USP11: variants seen among roughly 807,000 people sequenced by gnomAD.
The protein encoded by USP11 is ubiquitin specific peptidase 11.
In USP11, 5 loss-of-function variants were observed where a neutral mutation model predicts 72.8. The observed-to-expected ratio is 0.07, with a 90% CI of 0.04 to 0.14. The LOEUF is 0.14. Among genes scored for constraint, USP11 ranks in the 10% least tolerant of loss-of-function variants. The pLI is 1.00. For missense variants in USP11, 480 were observed against 794.7 expected (o/e 0.60, Z 4.76); for synonymous variants, 368 against 326.5 (o/e 1.13, Z -1.37).
Position 47,248,067 on chromosome X carries a change from C to T in USP11, c.*137C>T, listed in dbSNP as rs1486829596. On this transcript the variant is annotated 3_prime_UTR_variant, in exon 21 of 21. Transcript: ENST00000377107. ...CAGGCTTAGTCGTGGCTACTGTTCTCCTGTGCCGCTGCATCGCTCTCTCCC... is the reference window on the plus strand; with the variant it reads ...CAGGCTTAGTCGTGGCTACTGTTCTTCTGTGCCGCTGCATCGCTCTCTCCC... The T allele has an allele frequency of 5.5e-6, 5 of 910,505 alleles. No individual in the cohort carries two copies. Among genetic ancestry groups the T allele is most frequent in the African/African-American group, 2.0e-5 (1 of 49,065 alleles). 75.0% of individuals were successfully genotyped at this position (910,505 alleles called of 1,213,427 possible).
chrX:47,243,666 C>A, intron 13 of USP11, 64 bp downstream of exon 13: 1 of 1,062,825 alleles, frequency 9.4e-7, no homozygotes, highest in Non-Finnish European at 1.3e-6. Flanking sequence ...GGGTGTTTAG[C>A]TGCTTATTTG....
rs191808037 is a variant in USP11, at chrX:47,248,274, G to A, written c.*344G>A. 40 of 216,524 alleles carry A rather than the reference G, an allele frequency of 1.8e-4. No homozygotes were observed. Among genetic ancestry groups the A allele is most frequent in the East Asian group, 2.3e-4 (2 of 8,730 alleles). The allele number at this position is 216,524 out of a possible 1,213,427, so 17.8% of individuals were successfully genotyped here. On this transcript the variant is annotated 3_prime_UTR_variant, in exon 21 of 21. Coordinates refer to ENST00000377107, the MANE Select transcript of USP11 (RefSeq NM_001371072.1). ...AACACAGAGTGTATTTTCTTATTGA[G>A]GCCCTGTACCTTCTGCTGTGTGTGT...
chrX:47,240,640 G>C lies in USP11; in HGVS notation c.735G>C (p.Leu245=). 2.5e-6 allele frequency: 3 copies of C among 1,212,313 alleles called. No individual in the cohort carries two copies. The South Asian group carries it at 5.3e-5, about 21-fold the overall frequency. Residue 245 remains leucine, a synonymous_variant, in exon 6 of 21, where the codon CTG becomes CTC. Coordinates refer to ENST00000377107, the MANE Select transcript of USP11 (RefSeq NM_001371072.1). ...ATGGCACTTGGCCCAGCGCACAGCT[G>C]CATGTCATGTGAGCCCTTGGGGTAT... is the stretch of plus-strand genomic sequence containing the variant. The part of the protein sequence containing the change: ...KKDGTWPSAQ[L]HVMNNNMSEE...
intron 1 of USP11, among the ~76,000 whole-genome samples, chrX:47,238,282 G>A (rs1209430588): frequency 1.9e-5 from 2 of 106,407 alleles, no homozygotes; most frequent in Non-Finnish European, 3.9e-5. Flanking sequence ...CTGCCTCCAG[G>A]GTTCAAGTGA....
At chrX:47,237,775 GGTGTGTGTGTATGTGTGTGT>G (rs1339967231) in intron 1 of USP11, among the ~76,000 whole-genome samples, 1,269 of 99,176 alleles carry the variant, frequency 0.013, 9 homozygotes, top group Middle Eastern at 0.02. Context: ...CAGCAGAACA[GGTGTGTGTGTATGTGTGTGT>G]GTGTGTGTGT....
chrX:47,237,216 A>G lies in USP11; in HGVS notation c.177-1854A>G, dbSNP rs191109659. 7.8e-3 allele frequency among the ~76,000 whole-genome samples: 869 copies of G among 111,820 alleles called. 13 individuals are homozygous for G. The highest frequency in any genetic ancestry group is 0.027 in the African/African-American group (827 of 30,754). On this transcript the variant is annotated intron_variant, in intron 1 of 20. Transcript: ENST00000377107. Reference sequence around the variant, plus strand: ...AACAAATTAACTTCATAGACTGGCTATGGAGGCAAGTAAAGCCACAAAGGG... The same window carrying G: ...AACAAATTAACTTCATAGACTGGCTGTGGAGGCAAGTAAAGCCACAAAGGG...
chrX:47,245,657 G>C (rs759025582), intron 17 of USP11, among the ~76,000 whole-genome samples, 175 bp downstream of exon 17: 2 of 107,713 alleles, frequency 1.9e-5, no homozygotes, highest in Non-Finnish European at 3.8e-5. Context: ...CTGTTCTCCT[G>C]CCTAAGTCTC....
Position 47,233,039 on chromosome X carries a change from C to T in USP11, c.-5C>T, listed in dbSNP as rs201561406. The stretch of plus-strand genomic sequence containing the variant: ...TGCGTTGGCTGTAGAAGAGAACGGA[C>T]GGCGATGGCGACGGTCGCAGCAAAT... On this transcript the variant is annotated 5_prime_UTR_variant, in exon 1 of 21. In the 5' UTR this introduces an upstream ATG that the reference lacks. Transcript: ENST00000377107. 1 of 1,209,845 alleles carries T rather than the reference C, an allele frequency of 8.3e-7. No homozygotes were observed. Among genetic ancestry groups the T allele is most frequent in the African/African-American group, 1.7e-5 (1 of 57,320 alleles).
At chrX:47,241,512 C>T (rs754464407) in intron 8 of USP11, 29 bp from the exon 9 acceptor site, 2 of 1,189,266 alleles carry the variant, frequency 1.7e-6, no homozygotes, top group Non-Finnish European at 2.3e-6. Context: ...AACTCCCTCT[C>T]TCTCTGATGA....
intron 14 of USP11, 52 bp downstream of exon 14, chrX:47,244,602 C>T (rs749969147): frequency 1.0e-5 from 12 of 1,203,228 alleles, no homozygotes; most frequent in South Asian, 3.6e-5. Context: ...GTCTGACCCA[C>T]GTAGGGTTCG....
intron 1 of USP11, chrX:47,233,443 C>G: frequency 9.4e-7 from 1 of 1,063,890 alleles, no homozygotes. Context: ...CGCCTGAGAA[C>G]AAAATGGGGT....
Position 47,233,040 on chromosome X carries a change from G to A in USP11, c.-4G>A, listed in dbSNP as rs1256287962. The stretch of plus-strand genomic sequence containing the variant: ...GCGTTGGCTGTAGAAGAGAACGGAC[G>A]GCGATGGCGACGGTCGCAGCAAATC... On this transcript the variant is annotated 5_prime_UTR_variant, in exon 1 of 21. Coordinates refer to ENST00000377107, the MANE Select transcript of USP11 (RefSeq NM_001371072.1). 6.6e-6 allele frequency: 8 copies of A among 1,209,867 alleles called. No individual in the cohort carries two copies. The highest frequency in any genetic ancestry group is 3.5e-5 in the African/African-American group (2 of 57,285).
chrX:47,240,397 A>T lies in USP11; in HGVS notation c.628A>T (p.Arg210Trp). The change falls in exon 5 of 21, where the codon AGG becomes TGG. Residue 210 changes from arginine to tryptophan, a missense_variant. By Grantham distance (101) the Arg-to-Trp change is moderately radical (BLOSUM62 -3). This residue lies in a region of USP11 where 80 missense variants were observed against 100.9 expected (regional missense o/e 0.79). Transcript: ENST00000377107. ...CAAGAACTCAGAAGGCTCTTTGGAT[A>T]GGTTGTATGACACACACATCACGGT... is the stretch of plus-strand genomic sequence containing the variant. ...WAKNSEGSLD[R>W]LYDTHITVLD... 8.3e-7 allele frequency: 1 copy of T among 1,211,663 alleles called. No individual in the cohort carries two copies. The highest frequency in any genetic ancestry group is 1.1e-6 in the Non-Finnish European group (1 of 895,514).
intron 1 of USP11, chrX:47,233,435 C>T: frequency 1.9e-6 from 2 of 1,066,573 alleles, no homozygotes; most frequent in Non-Finnish European, 2.4e-6. Flanking sequence ...CAGTCTGACG[C>T]CTGAGAACAA....
chrX:47,239,394 G>A lies in USP11; in HGVS notation c.330G>A (p.Glu110=). ...WRLKEGLVEG[E]DYVLLPAAAW... is the part of the protein sequence containing the mutation. ...TCAAGGAGGGACTGGTGGAAGGCGA[G>A]GATTATGTGCTGCTCCCAGCAGCTG... The change falls in exon 3 of 21, where the codon GAG becomes GAA. Residue 110 remains glutamate, a synonymous_variant. Coordinates refer to ENST00000377107, the MANE Select transcript of USP11 (RefSeq NM_001371072.1). 8.3e-7 allele frequency: 1 copy of A among 1,211,691 alleles called. No individual in the cohort carries two copies. Among genetic ancestry groups the A allele is most frequent in the South Asian group, 1.8e-5 (1 of 56,808 alleles).
rs763902030 is a variant in USP11 at position 47,237,786 on chromosome X, ATGTGTGTG to A, written c.177-1250_177-1243del. ...GCCACAGCAGAACAGGTGTGTGTGTATGTGTGTGTGTGTGTGTGTGTGTGTGTGTGTGT... is the reference window on the plus strand; with the variant it reads ...GCCACAGCAGAACAGGTGTGTGTGTATGTGTGTGTGTGTGTGTGTGTGTGT... On this transcript the variant is annotated intron_variant, in intron 1 of 20. Transcript: ENST00000377107. Among the ~76,000 whole-genome samples, 176 of 38,361 alleles carry A rather than the reference ATGTGTGTG, an allele frequency of 4.6e-3. 1 individual carries two copies. Among genetic ancestry groups the A allele is most frequent in the African/African-American group, 8.5e-3 (162 of 19,090 alleles). 33.3% of individuals were successfully genotyped at this position (38,361 alleles called of 115,157 possible).
At position 47,243,514 on chromosome X, in the gene USP11, A is replaced by G; in HGVS notation, c.1702A>G (p.Met568Val). Reference sequence around the variant, plus strand: ...CTACAACAACTCCTACTACGGCCTGATGCTTTTTGGACACCCCCTCCTGGT... The same window carrying G: ...CTACAACAACTCCTACTACGGCCTGGTGCTTTTTGGACACCCCCTCCTGGT... ...RDYNNSYYGLMLFGHPLLVSV... is the reference protein window; with the variant it reads ...RDYNNSYYGLVLFGHPLLVSV... Residue 568 changes from methionine (M) to valine (V), a missense_variant, in exon 13 of 21, where the codon ATG becomes GTG. Around this residue, in one of 5 missense-constraint regions of USP11, gnomAD observed 314 missense variants for 556.0 expected, o/e 0.56. Coordinates refer to ENST00000377107, the MANE Select transcript of USP11 (RefSeq NM_001371072.1). 8.3e-7 allele frequency: 1 copy of G among 1,211,514 alleles called. No homozygotes were observed. The highest frequency in any genetic ancestry group is 1.1e-6 in the Non-Finnish European group (1 of 895,427).
In USP11 at chrX:47,240,572, C is replaced by T. The variant is rs764638110; in HGVS notation, c.682-15C>T. 4.7e-5 allele frequency: 57 copies of T among 1,210,059 alleles called. No homozygotes were observed. The highest frequency in any genetic ancestry group is 5.9e-5 in the Non-Finnish European group (53 of 895,125). On this transcript the variant is annotated splice_polypyrimidine_tract_variant and intron_variant, in intron 5 of 20. Coordinates refer to ENST00000377107, the MANE Select transcript of USP11 (RefSeq NM_001371072.1). Reference sequence around the variant, plus strand: ...TCCATTAATACCTTTCCTTCTTTCTCTTTCTCCAACCCAGTTGATCATCAT... The same window carrying T: ...TCCATTAATACCTTTCCTTCTTTCTTTTTCTCCAACCCAGTTGATCATCAT...
intron 1 of USP11, among the ~76,000 whole-genome samples, chrX:47,235,586 CAT>C (rs1021000818): frequency 1.5e-4 from 17 of 109,894 alleles, no homozygotes; most frequent in Non-Finnish European, 3.8e-5. Context: ...GATGTCTTCC[CAT>C]ATCTCTCCTC....
Sources: allele counts gnomAD v4.1 joint callset (sites outside exome capture counted in the v4.1 genomes callset), GRCh38; gene constraint gnomAD v4.1.1; regional missense constraint gnomAD v4.1.1; transcripts MANE v1.5; gene names NCBI Gene and HGNC (gene_info 2026-07-23, HGNC 2026-07-21).